DNM1: variants seen among roughly 807,000 people sequenced by gnomAD.
DNM1 encodes dynamin-1.
DNM1 carries 29 observed loss-of-function variants against 104.6 expected under a neutral mutation model. The observed-to-expected ratio is 0.28, with a 90% CI of 0.21 to 0.38. The LOEUF is 0.38. Among genes scored for constraint, DNM1 ranks in the 10% least tolerant of loss-of-function variants. The probability of loss-of-function intolerance (pLI) is 1.00; values close to 1 mark genes in which losing one functional copy is unlikely to be tolerated. For missense variants in DNM1, 640 were observed against 1,189.4 expected (o/e 0.54, Z 6.79); for synonymous variants, 445 against 475.8 (o/e 0.94, Z 0.84).
At position 128,254,431 on chromosome 9, in the gene DNM1, G is replaced by A; in HGVS notation, c.2535-223G>A. The A allele has an allele frequency of 2.1e-6, 3 of 1,453,030 alleles. No homozygotes were observed. The highest frequency in any genetic ancestry group is 2.7e-6 in the Non-Finnish European group (3 of 1,110,942). 90.0% of individuals were successfully genotyped at this position (1,453,030 alleles called of 1,614,324 possible). The stretch of plus-strand genomic sequence containing the variant: ...GTGGGGAGGGCCGCCACAGCCCCCA[G>A]GCGCTATCTGTGAAGCTACGGCTCC... On this transcript the variant is annotated intron_variant, in intron 21 of 21. Transcript: ENST00000372923. This position sits in a 1 kb window ranked among gnomAD's most constrained non-coding sequence, Gnocchi z 6.1.
chr9:128,244,859 C>T (rs754882632), intron 15 of DNM1: 41 of 513,444 alleles, frequency 8.0e-5, no homozygotes, highest in Non-Finnish European at 1.3e-4. Context: ...TCTGTCCATC[C>T]GGTGGGCGCT....
chr9:128,206,200 GA>G (rs1340238631), intron 1 of DNM1, among the ~76,000 whole-genome samples: 1 of 152,076 alleles, frequency 6.6e-6, no homozygotes, highest in Non-Finnish European at 1.5e-5. Context: ...ATCCCCAACA[GA>G]AAATGCTTCA....
rs1275813509 is a variant in DNM1 at position 128,242,238 on chromosome 9, C to T, written c.1564C>T (p.Arg522Cys). The T allele has an allele frequency of 3.7e-6, 6 of 1,605,022 alleles. No individual in the cohort carries two copies. The highest frequency in any genetic ancestry group is 2.7e-5 in the African/African-American group (2 of 74,748). ...CTGCCCCATCACCCTCCAGGTCATC[C>T]GCAAGGGCTGGCTGACTATCAATAA... Reference protein sequence around the residue: ...SGNQDEILVIRKGWLTINNIG... With the variant: ...SGNQDEILVICKGWLTINNIG... The change falls in exon 15 of 22, where the codon CGC becomes TGC. Residue 522 changes from arginine (R) to cysteine (C), a missense_variant. Arg to Cys is a radical substitution (Grantham distance 180). This residue lies in a region of DNM1 where 91 missense variants were observed against 256.3 expected (regional missense o/e 0.36). Transcript: ENST00000372923.
chr9:128,224,746 C>G lies in DNM1; in HGVS notation c.1335+357C>G, dbSNP rs1473238613. Reference sequence around the variant, plus strand: ...ATCTTTGGGAGCTCCAGGGAGGGGTCTGGGGAAACCTTAGCCTTGGAGACA... The same window carrying G: ...ATCTTTGGGAGCTCCAGGGAGGGGTGTGGGGAAACCTTAGCCTTGGAGACA... On this transcript the variant is annotated intron_variant, in intron 10 of 21. Coordinates refer to ENST00000372923, the MANE Select transcript of DNM1 (RefSeq NM_004408.4). This position sits in a 1 kb window ranked among gnomAD's most constrained non-coding sequence, Gnocchi z 4.3. Among the ~76,000 whole-genome samples the G allele has an allele frequency of 6.6e-6, 1 of 152,080 alleles. No homozygotes were observed. Among genetic ancestry groups the G allele is most frequent in the Non-Finnish European group, 1.5e-5 (1 of 67,992 alleles).
intron 11 of DNM1, among the ~76,000 whole-genome samples, chr9:128,238,199 A>T (rs897668716): frequency 6.6e-6 from 1 of 150,584 alleles, no homozygotes; most frequent in South Asian, 2.1e-4. Context: ...CTGATCATTT[A>T]AAAAGCCTCT....
intron 1 of DNM1, among the ~76,000 whole-genome samples, chr9:128,217,437 G>A (rs74532781): frequency 0.15 from 22,830 of 152,102 alleles, 1,838 homozygotes; most frequent in East Asian, 0.34. Flanking sequence ...TTTTTTTGAG[G>A]TGGAGTTTTG....
At position 128,234,007 on chromosome 9, in the gene DNM1, CTG is replaced by C; in HGVS notation, c.1336-13_1336-12del. The stretch of plus-strand genomic sequence containing the variant: ...TCTGTGTACGTGGCTTTCTGCCCTC[CTG>C]CCCTTCCCCAGCTCCAGCAGTACCC... On this transcript the variant is annotated splice_polypyrimidine_tract_variant and intron_variant, in intron 10 of 21. Coordinates refer to ENST00000372923, the MANE Select transcript of DNM1 (RefSeq NM_004408.4). 1 of 1,555,524 alleles carries C rather than the reference CTG, an allele frequency of 6.4e-7. No homozygotes were observed. Among genetic ancestry groups the C allele is most frequent in the Non-Finnish European group, 8.7e-7 (1 of 1,149,750 alleles).
At chr9:128,231,932 AGGCTGATCGCCCCCTCAGCCAAG>A (rs1388268204) in intron 10 of DNM1, 4 of 451,004 alleles carry the variant, frequency 8.9e-6, no homozygotes, top group East Asian at 1.4e-4. Flanking sequence ...GGTGGGCTCC[AGGCTGATCGCCCCCTCAGCCAAG>A]GGCTGAGAGG....
In DNM1 at chr9:128,254,071, A is replaced by T; in HGVS notation, c.2535-583A>T. 1 of 1,245,680 alleles carries T rather than the reference A, an allele frequency of 8.0e-7. No individual in the cohort carries two copies. The allele number at this position is 1,245,680 out of a possible 1,614,324, so 77.2% of individuals were successfully genotyped here. On this transcript the variant is annotated intron_variant, in intron 21 of 21. Transcript: ENST00000372923. The surrounding 1 kb of genome is among the most constrained non-coding windows in gnomAD (Gnocchi z 6.1). ...CGACCAGCTGAGGCTCCCCTCTTAG[A>T]CTTATAAGTCTATGGCCACTGGCAT... is the stretch of plus-strand genomic sequence containing the variant.
intron 1 of DNM1, among the ~76,000 whole-genome samples, chr9:128,208,606 G>A (rs1363190001): frequency 2.6e-5 from 4 of 152,188 alleles, no homozygotes; most frequent in Admixed American, 2.0e-4. Context: ...CCTGGATGGG[G>A]CAGAGGGAAC....
chr9:128,223,312 C>T (rs1427103978), intron 9 of DNM1: 1 of 159,586 alleles, frequency 6.3e-6, no homozygotes, highest in African/African-American at 2.4e-5. Flanking sequence ...TCCCATTCCA[C>T]CCCACCGCCC....
chr9:128,244,743 C>A (rs779810582), intron 15 of DNM1: 6 of 533,928 alleles, frequency 1.1e-5, no homozygotes, highest in Non-Finnish European at 1.9e-5. Context: ...CCCAGCCCAG[C>A]CTAACCAATG....
intron 10 of DNM1, among the ~76,000 whole-genome samples, chr9:128,231,194 C>CTTTTTTTTTTTT (rs72047067): frequency 1.5e-5 from 1 of 68,500 alleles, no homozygotes; most frequent in Non-Finnish European, 2.5e-5. Context: ...ATACTTTTGC[C>CTTTTTTTTTTTT]TTTTTTTTTT....
chr9:128,212,027 G>C (rs890382083), intron 1 of DNM1, among the ~76,000 whole-genome samples: 1 of 152,194 alleles, frequency 6.6e-6, no homozygotes, highest in Non-Finnish European at 1.5e-5. Flanking sequence ...AATCTCAGCG[G>C]GTGAATGCAC....
Position 128,246,465 on chromosome 9 carries a change from G to A in DNM1, c.1743G>A (p.Ser581=), listed in dbSNP as rs776254391. The part of the protein sequence containing the change: ...KLRDVEKGFM[S]SKHIFALFNT... ...GGGACGTGGAGAAGGGCTTTATGTCGAGCAAGCATATCTTTGCCCTCTTTA... is the reference window on the plus strand; with the variant it reads ...GGGACGTGGAGAAGGGCTTTATGTCAAGCAAGCATATCTTTGCCCTCTTTA... The change falls in exon 16 of 22, where the codon TCG becomes TCA. Residue 581 remains serine (S), a synonymous_variant. Coordinates refer to ENST00000372923, the MANE Select transcript of DNM1 (RefSeq NM_004408.4). 3.3e-5 allele frequency: 54 copies of A among 1,613,928 alleles called. No homozygotes were observed. Among genetic ancestry groups the A allele is most frequent in the Non-Finnish European group, 4.3e-5 (51 of 1,179,968 alleles).
In DNM1 at chr9:128,245,708, T is replaced by C. The variant is rs117033018; in HGVS notation, c.1672-686T>C. 7.5e-3 allele frequency among the ~76,000 whole-genome samples: 1,148 copies of C among 152,160 alleles called. 7 individuals carry two copies. The highest frequency in any genetic ancestry group is 0.015 in the South Asian group (71 of 4,802). ...TCTGCAAACATGTAGGCTCGCACAA[T>C]TGCCACACACATCCACAAAGTGTGC... On this transcript the variant is annotated intron_variant, in intron 15 of 21. Transcript: ENST00000372923. This position sits in a 1 kb window ranked among gnomAD's most constrained non-coding sequence, Gnocchi z 5.2.
chr9:128,221,131 C>A (rs1284515126), intron 6 of DNM1: 1 of 150,916 alleles, frequency 6.6e-6, no homozygotes, highest in Non-Finnish European at 1.5e-5. Flanking sequence ...CTCTTGTCAC[C>A]CAGGCTGGAG....
intron 10 of DNM1, chr9:128,226,104 G>A: frequency 6.2e-7 from 1 of 1,612,846 alleles, no homozygotes; most frequent in Non-Finnish European, 8.5e-7. Flanking sequence ...AGCTCAAAGA[G>A]CCCAGTATCA....
At chr9:128,225,225 C>G (rs1238976089) in intron 10 of DNM1, among the ~76,000 whole-genome samples, 1 of 152,192 alleles carries the variant, frequency 6.6e-6, no homozygotes, top group African/African-American at 2.4e-5. Context: ...TTTCCTCTCC[C>G]CACTGCTGTC....
Sources: gnomAD v4.1 joint callset for allele counts (sites outside exome capture counted in the v4.1 genomes callset) on GRCh38, gnomAD v4.1.1 for gene constraint, gnomAD v4.1.1 regional missense constraint, Gnocchi (gnomAD v3.1) non-coding constraint, MANE v1.5 for transcripts, NCBI Gene and HGNC (gene_info 2026-07-23, HGNC 2026-07-21) for gene names.